The following ABCB10 variants were observed in gnomAD, a reference collection of about 807,000 sequenced individuals.
ABCB10 encodes the protein ATP binding cassette subfamily B member 10.
Under a neutral mutation model 65.4 loss-of-function variants are expected in ABCB10, and 54 were observed. That is an observed-to-expected ratio of 0.83 (90% CI 0.66 to 1.04). ABCB10 has a LOEUF of 1.04. ABCB10 is among the 50% of genes least tolerant of loss of function. The pLI is 0.00. For synonymous variants in ABCB10, 418 were observed against 406.5 expected (o/e 1.03, Z -0.34); for missense variants, 846 against 976.6 (o/e 0.87, Z 1.78).
chr1:229,521,769 C>T, intron 10 of ABCB10, 134 bp from the exon 11 acceptor site: 1 of 779,298 alleles, frequency 1.3e-6, no homozygotes, highest in Non-Finnish European at 2.0e-6. Flanking sequence ...AGACCAGAAA[C>T]CTATTTTAAA....
intron 6 of ABCB10, among the ~76,000 whole-genome samples, chr1:229,536,205 G>GAA (rs912363373): frequency 4.0e-5 from 6 of 150,972 alleles, no homozygotes; most frequent in Non-Finnish European, 7.4e-5. Flanking sequence ...AAAGAAAGAA[G>GAA]AAAAAAAAAG....
chr1:229,540,516 T>C lies in ABCB10; in HGVS notation c.1203+90A>G, dbSNP rs1267078865. ...AAGACTAAAATTTTAAAAATTAAAATTATTTTCTACTTATGCTGAGCACCA... is the reference window on the plus strand; with the variant it reads ...AAGACTAAAATTTTAAAAATTAAAACTATTTTCTACTTATGCTGAGCACCA... On this transcript the variant is annotated intron_variant, in intron 5 of 12. Coordinates refer to ENST00000344517, the MANE Select transcript of ABCB10 (RefSeq NM_012089.3). 2.3e-6 allele frequency: 3 copies of C among 1,302,132 alleles called. No individual in the cohort carries two copies. In the East Asian group the frequency reaches 8.0e-5, roughly 35 times the overall value. The allele number at this position is 1,302,132 out of a possible 1,614,324, so 80.7% of individuals were successfully genotyped here.
chr1:229,549,177 A>ACAGGACT, intron 2 of ABCB10, 57 bp downstream of exon 2: 1 of 1,592,788 alleles, frequency 6.3e-7, no homozygotes, highest in Non-Finnish European at 8.6e-7. Context: ...GAACAAACCC[A>ACAGGACT]CAGGACTCTA....
At chr1:229,553,688 G>A (rs1422122448) in intron 1 of ABCB10, among the ~76,000 whole-genome samples, 4 of 151,228 alleles carry the variant, frequency 2.6e-5, no homozygotes, top group Non-Finnish European at 5.9e-5. Context: ...CCGTTTTGAG[G>A]TTGAGTTGGT....
Position 229,518,011 on chromosome 1 carries a change from A to G in ABCB10, c.*168T>C. Reference sequence around the variant, plus strand: ...AATTATTAAAACTCTGAATAAAAAGATCTTGAGAACAGGTACGTTTCAAAA... The same window carrying G: ...AATTATTAAAACTCTGAATAAAAAGGTCTTGAGAACAGGTACGTTTCAAAA... On this transcript the variant is annotated 3_prime_UTR_variant, in exon 13 of 13. Coordinates refer to ENST00000344517, the MANE Select transcript of ABCB10 (RefSeq NM_012089.3). 1.7e-6 allele frequency: 1 copy of G among 598,692 alleles called. No individual in the cohort carries two copies. The highest frequency in any genetic ancestry group is 3.0e-6 in the Non-Finnish European group (1 of 338,132). The allele number at this position is 598,692 out of a possible 1,614,324, so 37.1% of individuals were successfully genotyped here.
rs964827446 is a variant in ABCB10 at position 229,549,365 on chromosome 1, A to G, written c.587T>C (p.Ile196Thr). The change falls in exon 2 of 13, where the codon ATT becomes ACT. Residue 196 changes from isoleucine (I) to threonine (T), a missense_variant. Transcript: ENST00000344517. ...AGTGGGGTTGGTATAGATGACATCA[A>G]TGATCTTCCCCAGGAAGAAAGGGGC... is the stretch of plus-strand genomic sequence containing the variant. ...MSAPFFLGKI[I>T]DVIYTNPTVD... is the part of the protein sequence containing the mutation. 6.2e-7 allele frequency: 1 copy of G among 1,614,208 alleles called. No homozygotes were observed. Among genetic ancestry groups the G allele is most frequent in the African/African-American group, 1.3e-5 (1 of 75,054 alleles).
At chr1:229,540,841 G>A in intron 4 of ABCB10, 89 bp from the exon 5 acceptor site, 3 of 1,396,032 alleles carry the variant, frequency 2.1e-6, no homozygotes, top group South Asian at 1.5e-5. Context: ...TTCTCATTTT[G>A]TTATTCATTA....
At chr1:229,550,847 G>C (rs1213371733) in intron 1 of ABCB10, among the ~76,000 whole-genome samples, 1 of 151,074 alleles carries the variant, frequency 6.6e-6, no homozygotes, top group Non-Finnish European at 1.5e-5. Flanking sequence ...CTGGATGACA[G>C]AGCAAGACTC....
At chr1:229,558,018 A>C (rs899609221) in intron 1 of ABCB10, 118 bp downstream of exon 1, 1 of 1,115,228 alleles carries the variant, frequency 9.0e-7, no homozygotes, top group African/African-American at 1.7e-5. Flanking sequence ...GGAGTGGCCC[A>C]GGAGAGGCGG....
intron 11 of ABCB10, among the ~76,000 whole-genome samples, chr1:229,519,804 AAAGT>A (rs986096035): frequency 1.4e-5 from 2 of 137,948 alleles, no homozygotes; most frequent in Non-Finnish European, 3.2e-5. Context: ...ATAAATAAAT[AAAGT>A]AAGTAAGTAA....
intron 8 of ABCB10, among the ~76,000 whole-genome samples, chr1:229,529,326 A>G (rs1352337608): frequency 7.2e-6 from 1 of 138,646 alleles, no homozygotes; most frequent in South Asian, 2.2e-4. Flanking sequence ...AAAAAAAAAA[A>G]AAAGAAAATC....
intron 10 of ABCB10, among the ~76,000 whole-genome samples, chr1:229,524,739 C>T (rs1351371043): frequency 6.6e-6 from 1 of 152,146 alleles, no homozygotes; most frequent in Non-Finnish European, 1.5e-5. Context: ...TGAACCATGG[C>T]ATGTCTATGC....
rs576136409 is a variant in ABCB10, at chr1:229,558,365, G to A, written c.288C>T (p.Gly96=). 2.3e-4 allele frequency: 287 copies of A among 1,251,928 alleles called. No individual in the cohort carries two copies. The highest frequency in any genetic ancestry group is 2.9e-4 in the Non-Finnish European group (283 of 986,940). The allele number at this position is 1,251,928 out of a possible 1,614,324, so 77.6% of individuals were successfully genotyped here. The change falls in exon 1 of 13, where the codon GGC becomes GGT. Residue 96 remains glycine, a synonymous_variant. Transcript: ENST00000344517. ...LARLLGLWAR[G]PGSCRCGAFA... ...AAGCCCCGCACCTGCAGCTGCCGGG[G>A]CCGCGAGCCCACAGCCCCAGGAGCC...
chr1:229,541,012 C>T (rs1324396997), intron 4 of ABCB10, among the ~76,000 whole-genome samples: 3 of 152,068 alleles, frequency 2.0e-5, no homozygotes, highest in East Asian at 3.8e-4. Flanking sequence ...TATACCTAAA[C>T]ATATCAGAAA....
At chr1:229,528,140 A>G (rs1235505613) in intron 8 of ABCB10, among the ~76,000 whole-genome samples, 2 of 148,080 alleles carry the variant, frequency 1.4e-5, no homozygotes, top group Non-Finnish European at 3.0e-5. Context: ...AGCCAGCTGG[A>G]AATGTTCACA....
At chr1:229,520,736 A>G (rs1158967437) in intron 11 of ABCB10, among the ~76,000 whole-genome samples, 4 of 152,250 alleles carry the variant, frequency 2.6e-5, no homozygotes, top group Non-Finnish European at 4.4e-5. Context: ...AAGTACTGAT[A>G]CAAACTACAA....
intron 10 of ABCB10, among the ~76,000 whole-genome samples, chr1:229,524,431 A>G (rs1453332268): frequency 4.6e-5 from 7 of 152,230 alleles, no homozygotes; most frequent in African/African-American, 9.6e-5. Flanking sequence ...CCAGAGTGCT[A>G]GGACTACAGG....
intron 1 of ABCB10, among the ~76,000 whole-genome samples, chr1:229,551,197 T>A (rs892390161): frequency 6.6e-6 from 1 of 152,162 alleles, no homozygotes; most frequent in Non-Finnish European, 1.5e-5. Context: ...GTGGGGAACA[T>A]TTAGAAAAAT....
chr1:229,557,653 G>GA (rs1195110336), intron 1 of ABCB10, among the ~76,000 whole-genome samples: 1 of 152,110 alleles, frequency 6.6e-6, no homozygotes, highest in Admixed American at 6.5e-5. Context: ...AGACAAGTCT[G>GA]AAAGTTTTGC....
Sources: gnomAD v4.1 joint callset for allele counts (sites outside exome capture counted in the v4.1 genomes callset) on GRCh38, gnomAD v4.1.1 for gene constraint, MANE v1.5 for transcripts, NCBI Gene and HGNC (gene_info 2026-07-23, HGNC 2026-07-21) for gene names.